The following PAG1 variants were observed in gnomAD, a reference collection of about 807,000 sequenced individuals.
PAG1 encodes phosphoprotein associated with glycosphingolipid-enriched microdomains 1.
PAG1 carries 23 observed loss-of-function variants against 31.7 expected under a neutral mutation model. The observed-to-expected ratio is 0.73, with a 90% CI of 0.52 to 1.03. The LOEUF (loss-of-function observed/expected upper bound fraction) is 1.03, where lower values mean the gene tolerates loss of function less well. PAG1 is among the 50% of genes least tolerant of loss of function. The pLI, the probability that PAG1 is intolerant of heterozygous loss-of-function variation, is 0.00. For missense variants in PAG1, 473 were observed against 540.7 expected (o/e 0.87, Z 1.24); for synonymous variants, 214 against 210.3 (o/e 1.02, Z -0.15).
chr8:81,021,209 G>A (rs907327662), intron 3 of PAG1, among the ~76,000 whole-genome samples: 2 of 152,118 alleles, frequency 1.3e-5, no homozygotes, highest in African/African-American at 4.8e-5. Flanking sequence ...TTGACAACAG[G>A]AGATATCATT....
At chr8:81,062,163 G>A (rs961262435) in intron 2 of PAG1, among the ~76,000 whole-genome samples, 3 of 152,164 alleles carry the variant, frequency 2.0e-5, no homozygotes, top group Middle Eastern at 3.2e-3. Context: ...GTCACCAGTC[G>A]ACATCAATTC....
At chr8:81,003,271 G>A (rs1269567539) in intron 3 of PAG1, among the ~76,000 whole-genome samples, 1 of 152,200 alleles carries the variant, frequency 6.6e-6, no homozygotes, top group Non-Finnish European at 1.5e-5. Flanking sequence ...GATTTGGCAA[G>A]TCTGGAGCGG....
rs1053494558 is a variant in PAG1, at chr8:80,993,230, C to G, written c.-3G>C. 2 of 1,601,340 alleles carry G rather than the reference C, an allele frequency of 1.2e-6. No homozygotes were observed. The highest frequency in any genetic ancestry group is 2.7e-5 in the African/African-American group (2 of 74,418). On this transcript the variant is annotated 5_prime_UTR_variant, in exon 4 of 9. Coordinates refer to ENST00000220597, the MANE Select transcript of PAG1 (RefSeq NM_018440.4). Reference sequence around the variant, plus strand: ...AGCAGGCTCCCCGCGGGCCCCATGGCAGGAGCAGGCACTGGCACCAGCCGA... The same window carrying G: ...AGCAGGCTCCCCGCGGGCCCCATGGGAGGAGCAGGCACTGGCACCAGCCGA...
intron 3 of PAG1, among the ~76,000 whole-genome samples, chr8:81,010,512 G>A (rs1451008596): frequency 6.6e-6 from 1 of 152,004 alleles, no homozygotes; most frequent in African/African-American, 2.4e-5. Flanking sequence ...AAATCTCTTG[G>A]CCTGTTACTT....
chr8:81,074,653 T>C (rs996542004), intron 1 of PAG1, among the ~76,000 whole-genome samples: 2 of 152,196 alleles, frequency 1.3e-5, no homozygotes, highest in Admixed American at 6.5e-5. Flanking sequence ...TCTCAGACCC[T>C]ACCTCAGATC....
At chr8:81,007,467 CAAAAA>C (rs10563214) in intron 3 of PAG1, among the ~76,000 whole-genome samples, 6 of 128,540 alleles carry the variant, frequency 4.7e-5, no homozygotes, top group Non-Finnish European at 6.5e-5. Flanking sequence ...TACAAAAATA[CAAAAA>C]AAAAAAAAAA....
intron 3 of PAG1, among the ~76,000 whole-genome samples, chr8:80,998,089 T>C (rs962617707): frequency 1.3e-5 from 2 of 151,838 alleles, no homozygotes; most frequent in African/African-American, 2.4e-5. Context: ...ATTTAATCAC[T>C]AGAAAAACCA....
intron 2 of PAG1, among the ~76,000 whole-genome samples, chr8:81,043,048 T>A (rs1486137742): frequency 2.0e-5 from 3 of 152,212 alleles, no homozygotes; most frequent in African/African-American, 7.2e-5. Context: ...TCTGTCTTTT[T>A]TATTTTTTAA....
chr8:80,997,861 A>G (rs1807711468), intron 3 of PAG1, among the ~76,000 whole-genome samples: 1 of 152,114 alleles, frequency 6.6e-6, no homozygotes, highest in African/African-American at 2.4e-5. Flanking sequence ...TATTGCTGTA[A>G]AAGACTCAGT....
At chr8:81,053,147 T>A (rs1299760386) in intron 2 of PAG1, among the ~76,000 whole-genome samples, 2 of 152,232 alleles carry the variant, frequency 1.3e-5, no homozygotes. Context: ...GAATGTATTA[T>A]CTGAATATAT....
At chr8:80,980,542 C>T in intron 7 of PAG1, 48 bp from the exon 8 acceptor site, 1 of 1,193,930 alleles carries the variant, frequency 8.4e-7, no homozygotes, top group Non-Finnish European at 1.2e-6. Context: ...CGTTAACAAT[C>T]TAACCTTTCT....
rs1272219794 is a variant in PAG1, at chr8:80,973,792, ATACTG to A, written c.*2747_*2751del. 4 of 151,460 alleles carry A rather than the reference ATACTG, an allele frequency of 2.6e-5. No individual in the cohort carries two copies. The highest frequency in any genetic ancestry group is 9.7e-5 in the African/African-American group (4 of 41,104). The allele number at this position is 151,460 out of a possible 1,614,324, so 9.4% of individuals were successfully genotyped here. A position where few individuals can be genotyped will look rare whatever the true frequency, so the allele number is the denominator to read the frequency against. ...AATGTGATGAAATTTATGAAAAACT[ATACTG>A]TACAGTCAAAACAGTGATGGTGCCT... On this transcript the variant is annotated 3_prime_UTR_variant, in exon 9 of 9. Coordinates refer to ENST00000220597, the MANE Select transcript of PAG1 (RefSeq NM_018440.4).
intron 3 of PAG1, among the ~76,000 whole-genome samples, chr8:81,012,156 G>A (rs1350750149): frequency 6.6e-6 from 1 of 152,158 alleles, no homozygotes; most frequent in African/African-American, 2.4e-5. Context: ...GGGATCTTTT[G>A]TTAGTAATCT....
intron 3 of PAG1, among the ~76,000 whole-genome samples, chr8:81,013,389 T>A (rs1052376031): frequency 7.9e-5 from 12 of 151,978 alleles, no homozygotes; most frequent in Admixed American, 2.0e-4. Flanking sequence ...TGCCTGGGTG[T>A]CCCCCAGGCC....
At chr8:81,085,871 T>TTA (rs1304698797) in intron 1 of PAG1, among the ~76,000 whole-genome samples, 3 of 152,168 alleles carry the variant, frequency 2.0e-5, no homozygotes, top group Admixed American at 1.3e-4. Context: ...ATGCTTAATG[T>TTA]TATAGCATGC....
At chr8:81,013,675 G>T (rs1385403391) in intron 3 of PAG1, among the ~76,000 whole-genome samples, 2 of 152,168 alleles carry the variant, frequency 1.3e-5, no homozygotes, top group East Asian at 3.8e-4. Context: ...TGCCTTCCGG[G>T]CTCAAGCGAT....
chr8:81,002,972 G>T (rs1807812752), intron 3 of PAG1, among the ~76,000 whole-genome samples: 1 of 152,232 alleles, frequency 6.6e-6, no homozygotes, highest in Non-Finnish European at 1.5e-5. Context: ...GACTCAAGGG[G>T]TGTGACTCCT....
intron 2 of PAG1, among the ~76,000 whole-genome samples, chr8:81,043,370 T>C (rs181037061): frequency 3.3e-5 from 5 of 152,344 alleles, no homozygotes; most frequent in African/African-American, 9.6e-5. Flanking sequence ...CTGTTAGAGT[T>C]CAGTACAATA....
intron 2 of PAG1, among the ~76,000 whole-genome samples, chr8:81,067,966 A>G (rs1221147030): frequency 2.6e-5 from 4 of 152,138 alleles, no homozygotes; most frequent in Non-Finnish European, 5.9e-5. Flanking sequence ...GGGCAATCCT[A>G]GCTCACTGAA....
Sources: allele counts gnomAD v4.1 joint callset (sites outside exome capture counted in the v4.1 genomes callset), GRCh38; gene constraint gnomAD v4.1.1; transcripts MANE v1.5; gene names NCBI Gene and HGNC (gene_info 2026-07-23, HGNC 2026-07-21).